Variants in RNF130 observed in about 807,000 individuals in gnomAD.
The protein encoded by RNF130 is ring finger protein 130, also known as E3 ubiquitin-protein ligase RNF130.
In RNF130, 21 loss-of-function variants were observed where a neutral mutation model predicts 44.6. The observed-to-expected ratio is 0.47, with a 90% CI of 0.33 to 0.68. RNF130 has a LOEUF of 0.68. RNF130 is among the 30% of genes least tolerant of loss of function. The pLI, the probability that RNF130 is intolerant of heterozygous loss-of-function variation, is 0.02. For missense variants in RNF130, 479 were observed against 560.6 expected (o/e 0.85, Z 1.47); for synonymous variants, 214 against 210.4 (o/e 1.02, Z -0.15).
At chr5:180,042,473 G>T (rs1764442808) in intron 1 of RNF130, among the ~76,000 whole-genome samples, 1 of 152,104 alleles carries the variant, frequency 6.6e-6, no homozygotes, top group Admixed American at 6.6e-5. Context: ...ATGATTTTAG[G>T]AGTCAACTAT....
In RNF130 at chr5:179,929,280, C is replaced by T. The variant is rs146902980; in HGVS notation, c.1151-8854G>A. On this transcript the variant is annotated intron_variant, in intron 7 of 7. Coordinates refer to the RNF130 transcript ENST00000522208. ...CATGAGCCAAGTGTCTGTACATGCA[C>T]GGCTGTTTCAGAACTCTATTTTGTT... Among the ~76,000 whole-genome samples the T allele has an allele frequency of 4.0e-3, 608 of 152,302 alleles. 5 individuals are homozygous for T. The highest frequency in any genetic ancestry group is 0.014 in the African/African-American group (578 of 41,572).
chr5:180,049,601 G>C (rs1430222383), intron 1 of RNF130, among the ~76,000 whole-genome samples: 1 of 152,054 alleles, frequency 6.6e-6, no homozygotes. Context: ...TAAATACTTT[G>C]ATACATTGTT....
chr5:179,937,617 G>A (rs1028018887), intron 7 of RNF130, among the ~76,000 whole-genome samples: 24 of 152,146 alleles, frequency 1.6e-4, no homozygotes, highest in African/African-American at 5.8e-4. Flanking sequence ...ATGTAAAATG[G>A]TTTAGCCATT....
At chr5:180,057,926 G>A (rs1409529659) in intron 1 of RNF130, among the ~76,000 whole-genome samples, 1 of 152,178 alleles carries the variant, frequency 6.6e-6, no homozygotes, top group Non-Finnish European at 1.5e-5. Flanking sequence ...GTCTGAAGTA[G>A]GGGGCGGTTT....
chr5:179,954,575 G>A (rs1007529653), downstream of RNF130, among the ~76,000 whole-genome samples: 2 of 152,206 alleles, frequency 1.3e-5, no homozygotes, highest in African/African-American at 4.8e-5. Flanking sequence ...GCAAGGGTGA[G>A]AAGTTACTGA....
At chr5:180,049,133 T>C (rs1310417412) in intron 1 of RNF130, among the ~76,000 whole-genome samples, 2 of 152,210 alleles carry the variant, frequency 1.3e-5, no homozygotes, top group Non-Finnish European at 1.5e-5. Context: ...GAATCCACAC[T>C]TGGCAATTCA....
chr5:179,994,662 G>A (rs922774031), intron 3 of RNF130, among the ~76,000 whole-genome samples: 2 of 152,188 alleles, frequency 1.3e-5, no homozygotes, highest in Non-Finnish European at 2.9e-5. Context: ...TGTATCGGGT[G>A]GGTGAGCTGG....
intron 1 of RNF130, among the ~76,000 whole-genome samples, chr5:180,051,440 G>A (rs562618699): frequency 1.3e-5 from 2 of 151,660 alleles, no homozygotes; most frequent in Non-Finnish European, 2.9e-5. Flanking sequence ...TAGTAGAGAC[G>A]GGGTTTCACC....
chr5:179,981,439 T>C (rs1052391914), intron 3 of RNF130, among the ~76,000 whole-genome samples: 4 of 152,144 alleles, frequency 2.6e-5, no homozygotes, highest in South Asian at 4.1e-4. Flanking sequence ...TAAGAAAAAA[T>C]TTAGGGGAAA....
At chr5:179,974,613 T>A (rs1418417087) in intron 5 of RNF130, among the ~76,000 whole-genome samples, 1 of 152,174 alleles carries the variant, frequency 6.6e-6, no homozygotes, top group East Asian at 1.9e-4. Context: ...GACACGAGGG[T>A]GTCCAGGCCC....
At chr5:179,927,297 C>T (rs1761719874) in intron 7 of RNF130, among the ~76,000 whole-genome samples, 1 of 151,976 alleles carries the variant, frequency 6.6e-6, no homozygotes, top group Non-Finnish European at 1.5e-5. Context: ...TGGAAATACA[C>T]CAGATGTGTA....
At chr5:180,004,357 T>C (rs1763415854) in intron 3 of RNF130, among the ~76,000 whole-genome samples, 1 of 152,164 alleles carries the variant, frequency 6.6e-6, no homozygotes, top group Non-Finnish European at 1.5e-5. Context: ...ACACAGAATG[T>C]TAGAAATGAC....
intron 1 of RNF130, among the ~76,000 whole-genome samples, chr5:180,051,832 G>A (rs1010566003): frequency 5.9e-5 from 9 of 152,174 alleles, no homozygotes; most frequent in African/African-American, 2.2e-4. Context: ...CACTTTGCAT[G>A]AAAAGTCAAT....
At chr5:179,994,105 A>G (rs983295031) in intron 3 of RNF130, among the ~76,000 whole-genome samples, 25 of 152,226 alleles carry the variant, frequency 1.6e-4, no homozygotes, top group African/African-American at 6.0e-4. Context: ...TGGTACCAGT[A>G]CCATGCTGTT....
chr5:180,021,270 G>A (rs978093401), intron 2 of RNF130, among the ~76,000 whole-genome samples: 11 of 152,192 alleles, frequency 7.2e-5, no homozygotes, highest in African/African-American at 2.4e-4. Flanking sequence ...TTACAGGCGT[G>A]AGCCACTGCG....
At chr5:179,959,720 T>A (rs1301730726) in intron 8 of RNF130, among the ~76,000 whole-genome samples, 1 of 152,152 alleles carries the variant, frequency 6.6e-6, no homozygotes, top group Admixed American at 6.5e-5. Flanking sequence ...GGAGTTTATA[T>A]ATATAAATTT....
chr5:180,057,357 T>C (rs995107649), intron 1 of RNF130, among the ~76,000 whole-genome samples: 2 of 152,216 alleles, frequency 1.3e-5, no homozygotes, highest in Non-Finnish European at 2.9e-5. Flanking sequence ...GAGACCAGCC[T>C]GGCCAACATG....
At chr5:180,024,169 G>C (rs894901369) in intron 2 of RNF130, among the ~76,000 whole-genome samples, 4 of 152,128 alleles carry the variant, frequency 2.6e-5, no homozygotes, top group Non-Finnish European at 5.9e-5. Flanking sequence ...GTCTAAAAAA[G>C]TATCACAGCC....
At chr5:180,004,181 A>C (rs551490240) in intron 3 of RNF130, among the ~76,000 whole-genome samples, 1 of 152,320 alleles carries the variant, frequency 6.6e-6, no homozygotes, top group Admixed American at 6.5e-5. Context: ...AGGAGCTCTC[A>C]CATGATTCTT....
Sources: gnomAD v4.1 joint callset for allele counts (sites outside exome capture counted in the v4.1 genomes callset) on GRCh38, gnomAD v4.1.1 for gene constraint, MANE v1.5 for transcripts, NCBI Gene and HGNC (gene_info 2026-07-23, HGNC 2026-07-21) for gene names.